SEC23B: variants seen among roughly 807,000 people sequenced by gnomAD.
The protein encoded by SEC23B is SEC23 homolog B, COPII component.
SEC23B carries 77 observed loss-of-function variants against 104.3 expected under a neutral mutation model. That is an observed-to-expected ratio of 0.74 (90% CI 0.61 to 0.89). SEC23B has a LOEUF of 0.89. SEC23B is among the 40% of genes least tolerant of loss of function. The pLI, the probability that SEC23B is intolerant of heterozygous loss-of-function variation, is 0.00. For synonymous variants in SEC23B, 338 were observed against 332.5 expected, an observed-to-expected ratio of 1.02 and a Z score of -0.18; for missense variants, 885 against 949.4, an observed-to-expected ratio of 0.93 and a Z score of 0.89.
chr20:18,525,506 T>C (rs2060125997), intron 6 of SEC23B, among the ~76,000 whole-genome samples: 1 of 152,232 alleles, frequency 6.6e-6, no homozygotes, highest in African/African-American at 2.4e-5. Context: ...CCTTAGGATT[T>C]TTTTGCTGTC....
intron 4 of SEC23B, among the ~76,000 whole-genome samples, chr20:18,523,591 T>C (rs1248190264): frequency 1.1e-4 from 16 of 151,664 alleles, no homozygotes. Flanking sequence ...TTAGTACAGA[T>C]AGGGTTTCAC....
intron 4 of SEC23B, among the ~76,000 whole-genome samples, chr20:18,523,175 T>A (rs143512345): frequency 6.6e-6 from 1 of 152,132 alleles, no homozygotes; most frequent in East Asian, 1.9e-4. Context: ...GCCCCACGTG[T>A]TACCACTCCA....
intron 1 of SEC23B, among the ~76,000 whole-genome samples, chr20:18,508,667 G>GGTC (rs2059953869): frequency 6.7e-6 from 1 of 150,102 alleles, no homozygotes. Context: ...GGAGGGAGCA[G>GGTC]GTCTTAGGCT....
rs1255935543 is a variant in SEC23B at position 18,537,591 on chromosome 20, T to TG, written c.1404+1854dup. 6.0e-5 allele frequency among the ~76,000 whole-genome samples: 9 copies of TG among 149,500 alleles called. No individual in the cohort carries two copies. The East Asian group carries it at 1.2e-3, about 20-fold the overall frequency. ...TCACACTCTGGGGACTGTTGTGGGG[T>TG]GGGGGAAGGGGGGAGGAATAACATT... On this transcript the variant is annotated intron_variant, in intron 12 of 19. Transcript: ENST00000650089.
In SEC23B at chr20:18,543,111, G is replaced by A. The variant is rs377313915; in HGVS notation, c.1604G>A (p.Arg535Gln). The A allele has an allele frequency of 6.2e-7, 1 of 1,614,166 alleles. No homozygotes were observed. Among genetic ancestry groups the A allele is most frequent in the South Asian group, 1.1e-5 (1 of 91,080 alleles). The change falls in exon 14 of 20, where the codon CGA becomes CAA. Residue 535 changes from arginine (R) to glutamine (Q), a missense_variant. By Grantham distance (43) the Arg-to-Gln change is conservative (BLOSUM62 1). Transcript: ENST00000650089. ...AVLMARLGVF[R>Q]AESEEGPDVL... ...TTGATGGCACGGCTTGGGGTGTTCC[G>A]AGCGGAGTCAGAGGAGGGGCCCGAT...
At chr20:18,543,933 T>C (rs1210233218) in intron 14 of SEC23B, among the ~76,000 whole-genome samples, 2 of 152,184 alleles carry the variant, frequency 1.3e-5, no homozygotes, top group Non-Finnish European at 2.9e-5. Flanking sequence ...GCTGCCATGT[T>C]CTCCAGGAGC....
Position 18,511,160 on chromosome 20 carries a change from TGATAAGTAGTA to T in SEC23B, c.221+108_221+118del. On this transcript the variant is annotated intron_variant, in intron 2 of 19. Coordinates refer to ENST00000650089, the MANE Select transcript of SEC23B (RefSeq NM_006363.6). Reference sequence around the variant, plus strand: ...AAATTTGGGCAGGTCATCAAATTTGTGATAAGTAGTAGATGATGAGACTCCTAAACGATTCT... The same window carrying T: ...AAATTTGGGCAGGTCATCAAATTTGTGATGATGAGACTCCTAAACGATTCT... The T allele has an allele frequency of 7.9e-6, 7 of 883,890 alleles. No individual in the cohort carries two copies. In the South Asian group the frequency reaches 9.5e-5, roughly 12 times the overall value. 54.8% of individuals were successfully genotyped at this position (883,890 alleles called of 1,614,324 possible). A position where few individuals can be genotyped will look rare whatever the true frequency, so the allele number is the denominator to read the frequency against.
intron 6 of SEC23B, among the ~76,000 whole-genome samples, chr20:18,525,422 T>A (rs1186057035): frequency 6.6e-6 from 1 of 152,180 alleles, no homozygotes; most frequent in Non-Finnish European, 1.5e-5. Context: ...GAAGCACAGA[T>A]TAGAATGATG....
At position 18,532,532 on chromosome 20, in the gene SEC23B, T is replaced by C. The variant is rs1441355965; in HGVS notation, c.1234-132T>C. ...AAAAGTTTGTAGGACTAAGCAGTTA[T>C]GATCCCTGTGGAGTTTTCTCTTGGC... On this transcript the variant is annotated intron_variant, in intron 10 of 19. Coordinates refer to ENST00000650089, the MANE Select transcript of SEC23B (RefSeq NM_006363.6). 1.2e-5 allele frequency: 9 copies of C among 763,364 alleles called. No individual in the cohort carries two copies. In the Admixed American group the frequency reaches 1.3e-4, roughly 11 times the overall value. The allele number at this position is 763,364 out of a possible 1,614,324, so 47.3% of individuals were successfully genotyped here.
At chr20:18,531,486 ATC>A (rs74180909) in intron 10 of SEC23B, among the ~76,000 whole-genome samples, 10 of 151,600 alleles carry the variant, frequency 6.6e-5, no homozygotes, top group African/African-American at 2.4e-4. Context: ...GAGAAACCCC[ATC>A]TCTCCTAAAA....
Position 18,510,857 on chromosome 20 carries a change from A to C in SEC23B, c.22A>C (p.Ile8Leu). 1.2e-6 allele frequency: 2 copies of C among 1,614,194 alleles called. No individual in the cohort carries two copies. Among genetic ancestry groups the C allele is most frequent in the Non-Finnish European group, 8.5e-7 (1 of 1,180,020 alleles). Reference sequence around the variant, plus strand: ...GACTATGGCGACATACCTGGAGTTCATCCAGCAGAATGAAGAACGGGATGG... The same window carrying C: ...GACTATGGCGACATACCTGGAGTTCCTCCAGCAGAATGAAGAACGGGATGG... The part of the protein sequence containing the change: MATYLEF[I>L]QQNEERDGVR... Residue 8 changes from isoleucine to leucine, a missense_variant, in exon 2 of 20, where the codon ATC (isoleucine) becomes CTC (leucine). By Grantham distance (5) the Ile-to-Leu change is conservative. Transcript: ENST00000650089.
At chr20:18,527,324 G>C (rs1287528698) in intron 8 of SEC23B, among the ~76,000 whole-genome samples, 172 bp from the exon 9 acceptor site, 3 of 152,226 alleles carry the variant, frequency 2.0e-5, no homozygotes, top group Admixed American at 6.5e-5. Flanking sequence ...AACCCGGGAG[G>C]TGGAGATCGC....
chr20:18,516,172 G>A (rs1378519065), intron 4 of SEC23B, among the ~76,000 whole-genome samples: 1 of 150,856 alleles, frequency 6.6e-6, no homozygotes, highest in Non-Finnish European at 1.5e-5. Flanking sequence ...CTTCTTACTT[G>A]AATCTTCTAA....
chr20:18,530,902 A>C, intron 10 of SEC23B, 99 bp downstream of exon 10: 1 of 945,828 alleles, frequency 1.1e-6, no homozygotes, highest in Non-Finnish European at 1.7e-6. Context: ...TCAGCGTCCT[A>C]AAGTGCTGGG....
chr20:18,517,458 C>T (rs770536339), intron 4 of SEC23B, among the ~76,000 whole-genome samples: 4 of 152,158 alleles, frequency 2.6e-5, no homozygotes, highest in Non-Finnish European at 5.9e-5. Flanking sequence ...ATTTTCACTT[C>T]TTTTGTGAAT....
In SEC23B at chr20:18,561,115, T is replaced by C. The variant is rs41277144; in HGVS notation, c.*375T>C. The C allele has an allele frequency of 9.5e-6, 3 of 315,034 alleles. No individual in the cohort carries two copies. The highest frequency in any genetic ancestry group is 5.6e-5 in the South Asian group (2 of 35,764). 19.5% of individuals were successfully genotyped at this position (315,034 alleles called of 1,614,324 possible). On this transcript the variant is annotated 3_prime_UTR_variant, in exon 20 of 20. Transcript: ENST00000650089. ...TAAAATATTGCTAATACAAATGTGA[T>C]TTCCTGAGGTCTCTGTGTGAGTGTG...
chr20:18,528,601 T>C (rs1384812692), intron 9 of SEC23B, among the ~76,000 whole-genome samples: 1 of 151,992 alleles, frequency 6.6e-6, no homozygotes, highest in Non-Finnish European at 1.5e-5. Context: ...CCCCAGTGAG[T>C]AAAAGGAATA....
intron 1 of SEC23B, chr20:18,509,623 C>T (rs1203354546): frequency 6.6e-6 from 1 of 151,968 alleles, no homozygotes; most frequent in East Asian, 1.9e-4. Context: ...CAGAGTCTGG[C>T]TCTGTCGCCC....
rs11475595 is a variant in SEC23B at position 18,511,505 on chromosome 20, ATT to A, written c.221+462_221+463del. 0.095 allele frequency among the ~76,000 whole-genome samples: 13,954 copies of A among 147,594 alleles called. 806 individuals carry two copies. The highest frequency in any genetic ancestry group is 0.27 in the East Asian group (1,380 of 5,104). On this transcript the variant is annotated intron_variant, in intron 2 of 19. Transcript: ENST00000650089. Reference sequence around the variant, plus strand: ...AACTGTTAACAATTTGTTAAGTGTAATTTTTTTTTTTTTTGTGCCTGAGATAG... The same window carrying A: ...AACTGTTAACAATTTGTTAAGTGTAATTTTTTTTTTTTGTGCCTGAGATAG...
Sources: gnomAD v4.1 joint callset for allele counts (sites outside exome capture counted in the v4.1 genomes callset) on GRCh38, gnomAD v4.1.1 for gene constraint, MANE v1.5 for transcripts, NCBI Gene and HGNC (gene_info 2026-07-23, HGNC 2026-07-21) for gene names.